Variants in NDUFA11 observed in about 807,000 individuals in gnomAD.
The protein encoded by NDUFA11 is NADH dehydrogenase [ubiquinone] 1 alpha subcomplex subunit 11.
NDUFA11 carries 14 observed loss-of-function variants against 11.3 expected under a neutral mutation model. The ratio of observed to expected loss-of-function variants is 1.24; its 90% confidence interval spans 0.82 to 1.94. The LOEUF is 1.94. Among genes scored for constraint, NDUFA11 ranks in the 30% most tolerant of loss-of-function variants. The pLI is 0.00. For missense variants in NDUFA11, 204 were observed against 200.3 expected (o/e 1.02, Z -0.11); for synonymous variants, 87 against 85.6 (o/e 1.02, Z -0.09).
At chr19:5,899,014 C>T (rs2057627756) in intron 1 of NDUFA11, among the ~76,000 whole-genome samples, 1 of 152,058 alleles carries the variant, frequency 6.6e-6, no homozygotes, top group Non-Finnish European at 1.5e-5. Context: ...CAGGACTCCC[C>T]ACCTGCTCCT....
chr19:5,898,733 G>A (rs750294519), intron 1 of NDUFA11, among the ~76,000 whole-genome samples: 16 of 152,038 alleles, frequency 1.1e-4, no homozygotes, highest in Non-Finnish European at 1.8e-4. Context: ...AATTAGCCAG[G>A]CATGGTGGTA....
intron 3 of NDUFA11, 65 bp from the exon 4 acceptor site, chr19:5,894,919 C>T: frequency 6.6e-7 from 1 of 1,513,554 alleles, no homozygotes; most frequent in Non-Finnish European, 8.9e-7. Context: ...CGCTCCACGC[C>T]CTGGCCGGTG....
intron 1 of NDUFA11, chr19:5,901,560 C>A (rs1332625265): frequency 1.9e-5 from 18 of 967,322 alleles, no homozygotes; most frequent in Non-Finnish European, 9.6e-6. Flanking sequence ...CCCAATGGAG[C>A]CGCAACTTTG....
downstream of NDUFA11, chr19:5,892,571 A>C: frequency 4.8e-6 from 1 of 207,310 alleles, no homozygotes; most frequent in Non-Finnish European, 9.8e-6. Flanking sequence ...GGCAGGATGC[A>C]TGGGAAGGAA....
rs542383576 is a variant in NDUFA11, at chr19:5,901,291, G to A, written c.97+2321C>T. The A allele has an allele frequency of 7.1e-6, 9 of 1,264,662 alleles. No homozygotes were observed. The African/African-American group carries it at 1.4e-4, about 19-fold the overall frequency. The allele number at this position is 1,264,662 out of a possible 1,614,324, so 78.3% of individuals were successfully genotyped here. A position where few individuals can be genotyped will look rare whatever the true frequency, so the allele number is the denominator to read the frequency against. On this transcript the variant is annotated intron_variant, in intron 1 of 3. Transcript: ENST00000308961. ...CTCAGTTTCAGATCCTATCCCCTGG[G>A]TGGCCCCCTTCAGCCCTTTCTCTTG... is the stretch of plus-strand genomic sequence containing the variant.
In NDUFA11 at chr19:5,896,088, G is replaced by A. The variant is rs1273577772; in HGVS notation, c.313+365C>T. The A allele has an allele frequency of 1.5e-5, 7 of 464,330 alleles. No homozygotes were observed. The highest frequency in any genetic ancestry group is 2.7e-5 in the Non-Finnish European group (7 of 263,046). 28.8% of individuals were successfully genotyped at this position (464,330 alleles called of 1,614,324 possible). On this transcript the variant is annotated intron_variant, in intron 3 of 3. Coordinates refer to ENST00000308961, the MANE Select transcript of NDUFA11 (RefSeq NM_175614.5). The surrounding 1 kb of genome is among the most constrained non-coding windows in gnomAD (Gnocchi z 5.8). ...AGGCGGCACAGAGCGAGGGCGGCGG[G>A]GATGCTGGCTTGTACACAGGGTGGT... is the stretch of plus-strand genomic sequence containing the variant.
chr19:5,901,395 C>CAAA (rs2057644532), intron 1 of NDUFA11: 1 of 1,287,024 alleles, frequency 7.8e-7, no homozygotes, highest in Non-Finnish European at 1.0e-6. Flanking sequence ...CCTGGACTTG[C>CAAA]AGCCCAGCTT....
chr19:5,892,572 T>C (rs1444295342), downstream of NDUFA11: 3 of 205,702 alleles, frequency 1.5e-5, no homozygotes, highest in Non-Finnish European at 3.0e-5. Flanking sequence ...GCAGGATGCA[T>C]GGGAAGGAAG....
chr19:5,894,220 C>T (rs754300434), downstream of NDUFA11, among the ~76,000 whole-genome samples: 2 of 152,204 alleles, frequency 1.3e-5, no homozygotes, highest in South Asian at 2.1e-4. Context: ...CCAGCCTGTC[C>T]GGGGCTCTCC....
At chr19:5,892,266 T>G (rs2057582420), downstream of NDUFA11, 1 of 153,172 alleles carries the variant, frequency 6.5e-6, no homozygotes, top group African/African-American at 2.4e-5. Context: ...GTGCGGCCTT[T>G]AAATTTCAAG....
At chr19:5,892,294 G>C (rs2057582527), downstream of NDUFA11, 1 of 153,398 alleles carries the variant, frequency 6.5e-6, no homozygotes, top group Non-Finnish European at 1.5e-5. Flanking sequence ...ACCCAGGGTG[G>C]GCCTCAGCGC....
chr19:5,893,226 G>C (rs1425327265), downstream of NDUFA11: 1 of 1,534,184 alleles, frequency 6.5e-7, no homozygotes, highest in Admixed American at 2.0e-5. The surrounding 1 kb of genome is among the most constrained non-coding windows in gnomAD (Gnocchi z 4.1). Flanking sequence ...GGGAGGCTGA[G>C]GTGTGAGGAC....
chr19:5,893,063 G>A, downstream of NDUFA11: 1 of 1,536,050 alleles, frequency 6.5e-7, no homozygotes, highest in Non-Finnish European at 8.7e-7. The surrounding 1 kb of genome is among the most constrained non-coding windows in gnomAD (Gnocchi z 4.1). Flanking sequence ...AGCTCCGGAA[G>A]TGGACGTGAC....
downstream of NDUFA11, chr19:5,893,370 T>G (rs539580346): frequency 3.5e-5 from 23 of 650,502 alleles, no homozygotes; most frequent in African/African-American, 3.4e-4. The surrounding 1 kb of genome is among the most constrained non-coding windows in gnomAD (Gnocchi z 4.1). Context: ...GAGGCTGAGA[T>G]GAGAGAGTCG....
At position 5,903,701 on chromosome 19, in the gene NDUFA11, G is replaced by A; in HGVS notation, c.8C>T (p.Pro3Leu). 1.9e-6 allele frequency: 3 copies of A among 1,551,470 alleles called. No individual in the cohort carries two copies. The highest frequency in any genetic ancestry group is 2.4e-5 in the East Asian group (1 of 40,920). The change falls in exon 1 of 4, where the codon CCG becomes CTG. Residue 3 changes from proline (P) to leucine (L), a missense_variant. Physicochemically the swap from Pro to Leu is moderately conservative, Grantham distance 98. Transcript: ENST00000308961. MA[P>L]KVFRQYWDIP... ...ATCCCAGTACTGACGAAAAACCTTC[G>A]GCGCCATAGCCCGCAATCTCGATCC...
At chr19:5,893,327 T>C, downstream of NDUFA11, 1 of 882,706 alleles carries the variant, frequency 1.1e-6, no homozygotes. This position sits in a 1 kb window ranked among gnomAD's most constrained non-coding sequence, Gnocchi z 4.1. Context: ...TAGCTGGCTG[T>C]AGTGGTGCAC....
chr19:5,901,859 G>A (rs1477487934), intron 1 of NDUFA11, among the ~76,000 whole-genome samples: 1 of 151,846 alleles, frequency 6.6e-6, no homozygotes. Flanking sequence ...TTTTAGTAGA[G>A]ACGGGTTTTC....
At position 5,896,627 on chromosome 19, in the gene NDUFA11, C is replaced by T; in HGVS notation, c.191-52G>A. 1 of 1,552,412 alleles carries T rather than the reference C, an allele frequency of 6.4e-7. No individual in the cohort carries two copies. Among genetic ancestry groups the T allele is most frequent in the Admixed American group, 2.0e-5 (1 of 51,190 alleles). On this transcript the variant is annotated intron_variant, in intron 2 of 3. Transcript: ENST00000308961. The surrounding 1 kb of genome is among the most constrained non-coding windows in gnomAD (Gnocchi z 5.8). Reference sequence around the variant, plus strand: ...GCCTCGAGACGGGCACAGCAGGAGCCTCTTGGGCGCTCACTGCCAGTGTCT... The same window carrying T: ...GCCTCGAGACGGGCACAGCAGGAGCTTCTTGGGCGCTCACTGCCAGTGTCT...
downstream of NDUFA11, chr19:5,892,450 G>A (rs77158620): frequency 0.013 from 2,109 of 158,294 alleles, 15 homozygotes; most frequent in Middle Eastern, 0.028. Flanking sequence ...GAGGGTGACC[G>A]TCGTGGGGAC....
Sources: allele counts gnomAD v4.1 joint callset (sites outside exome capture counted in the v4.1 genomes callset), GRCh38; gene constraint gnomAD v4.1.1; non-coding constraint Gnocchi (gnomAD v3.1); transcripts MANE v1.5; gene names NCBI Gene and HGNC (gene_info 2026-07-23, HGNC 2026-07-21).